Variants in PPIL4 observed in about 807,000 individuals in gnomAD.
The protein encoded by PPIL4 is peptidyl-prolyl cis-trans isomerase-like 4.
Under a neutral mutation model 69.1 loss-of-function variants are expected in PPIL4, and 50 were observed. The observed-to-expected ratio is 0.72, with a 90% CI of 0.58 to 0.92. PPIL4 has a LOEUF of 0.92. PPIL4 is among the 40% of genes least tolerant of loss of function. The pLI, the probability that PPIL4 is intolerant of heterozygous loss-of-function variation, is 0.00. For missense variants in PPIL4, 480 were observed against 587.9 expected (o/e 0.82, Z 1.90); for synonymous variants, 193 against 191.6 (o/e 1.01, Z -0.06).
intron 8 of PPIL4, 67 bp downstream of exon 8, chr6:149,526,585 T>C: frequency 7.0e-7 from 1 of 1,432,738 alleles, no homozygotes; most frequent in Non-Finnish European, 9.6e-7. Flanking sequence ...TCAAAATATG[T>C]CATTAGAAAA....
intron 7 of PPIL4, among the ~76,000 whole-genome samples, chr6:149,528,276 C>T (rs895465749): frequency 2.0e-5 from 3 of 151,990 alleles, no homozygotes; most frequent in South Asian, 4.1e-4. Context: ...TGTCAAAACA[C>T]AGAAGGAGTA....
At chr6:149,545,832 A>T in intron 1 of PPIL4, 104 bp downstream of exon 1, 1 of 1,083,290 alleles carries the variant, frequency 9.2e-7, no homozygotes, top group Non-Finnish European at 1.4e-6. Context: ...GCAGCCCAGA[A>T]GCTCGAGCTC....
chr6:149,530,097 T>C (rs1777172696), intron 7 of PPIL4, among the ~76,000 whole-genome samples: 1 of 152,172 alleles, frequency 6.6e-6, no homozygotes, highest in Non-Finnish European at 1.5e-5. Flanking sequence ...ATTTGTCAGT[T>C]CCACCGAATG....
At position 149,524,833 on chromosome 6, in the gene PPIL4, G is replaced by A. The variant is rs182647994; in HGVS notation, c.870+310C>T. On this transcript the variant is annotated intron_variant, in intron 9 of 12. Transcript: ENST00000253329. ...AAGAGAATCGCTTGAACCAGGAGGC[G>A]GAGGCTGCAGTGAGTCGAGACTGCG... Among the ~76,000 whole-genome samples the A allele has an allele frequency of 3.3e-5, 5 of 152,100 alleles. 1 individual carries two copies. In the South Asian group the frequency reaches 6.2e-4, roughly 19 times the overall value.
chr6:149,510,526 G>A (rs1264625920), intron 12 of PPIL4, among the ~76,000 whole-genome samples: 2 of 152,084 alleles, frequency 1.3e-5, no homozygotes, highest in East Asian at 1.9e-4. Flanking sequence ...GGCAGATCAC[G>A]AGGTCAGGAG....
At chr6:149,538,491 G>A (rs1777312935) in intron 4 of PPIL4, among the ~76,000 whole-genome samples, 1 of 152,144 alleles carries the variant, frequency 6.6e-6, no homozygotes, top group Non-Finnish European at 1.5e-5. Flanking sequence ...AATACATTTT[G>A]TGAGGCTATA....
chr6:149,517,015 C>T (rs1367760668), intron 11 of PPIL4: 1 of 163,080 alleles, frequency 6.1e-6, no homozygotes, highest in Non-Finnish European at 1.3e-5. Context: ...CAGGAAAGCC[C>T]CCCCAAAAAG....
chr6:149,512,761 G>A (rs931866664), intron 11 of PPIL4, among the ~76,000 whole-genome samples: 1 of 151,546 alleles, frequency 6.6e-6, no homozygotes, highest in South Asian at 2.1e-4. Flanking sequence ...TATTTTTTTT[G>A]AGACGGAGTC....
At chr6:149,533,760 A>C (rs1402395975) in intron 6 of PPIL4, among the ~76,000 whole-genome samples, 186 bp from the exon 7 acceptor site, 4 of 152,202 alleles carry the variant, frequency 2.6e-5, no homozygotes, top group Non-Finnish European at 4.4e-5. Context: ...TCTCTAAAAA[A>C]AAATTTTTAA....
intron 7 of PPIL4, among the ~76,000 whole-genome samples, chr6:149,532,519 T>C (rs1014546625): frequency 2.2e-4 from 34 of 152,366 alleles, no homozygotes; most frequent in African/African-American, 6.7e-4. Context: ...TTAAAATGTG[T>C]ATTTTCAATT....
chr6:149,514,700 T>C (rs532943885), intron 11 of PPIL4, among the ~76,000 whole-genome samples: 1 of 145,352 alleles, frequency 6.9e-6, no homozygotes, highest in African/African-American at 2.5e-5. Context: ...CAACAGCATT[T>C]AAAAAAAAAA....
intron 7 of PPIL4, among the ~76,000 whole-genome samples, chr6:149,527,179 GA>G (rs1777120697): frequency 6.6e-6 from 1 of 152,148 alleles, no homozygotes; most frequent in Non-Finnish European, 1.5e-5. Context: ...CCAACATGGT[GA>G]AACCCCATTT....
chr6:149,534,921 C>T (rs1777252024), intron 5 of PPIL4, 147 bp from the exon 6 acceptor site: 5 of 519,628 alleles, frequency 9.6e-6, no homozygotes, highest in Admixed American at 3.7e-5. Context: ...CCTAGATATA[C>T]TTTCACAATG....
intron 11 of PPIL4, among the ~76,000 whole-genome samples, chr6:149,514,648 C>G (rs948762616): frequency 2.7e-5 from 4 of 150,414 alleles, no homozygotes; most frequent in Non-Finnish European, 5.9e-5. Context: ...AAACTGATGA[C>G]TATAATCCAT....
At chr6:149,530,746 A>G (rs183193060) in intron 7 of PPIL4, among the ~76,000 whole-genome samples, 1 of 152,114 alleles carries the variant, frequency 6.6e-6, no homozygotes, top group Non-Finnish European at 1.5e-5. Context: ...GGAAATTACC[A>G]CTTTGCATAA....
In PPIL4 at chr6:149,517,370, C is replaced by T; in HGVS notation, c.1063G>A (p.Val355Ile). The stretch of plus-strand genomic sequence containing the variant: ...TAAGGATACTCCTGTTTGGGCTTTA[C>T]TTTATCTTTCAGAACCAAATTAGGT... Reference protein sequence around the residue: ...KPPNLVLKDKVKPKQDTKYDL... With the variant: ...KPPNLVLKDKIKPKQDTKYDL... Residue 355 changes from valine to isoleucine, a missense_variant, in exon 11 of 13, where the codon GTA (valine) becomes ATA (isoleucine). By Grantham distance (29) the Val-to-Ile change is conservative. Transcript: ENST00000253329. The T allele has an allele frequency of 6.3e-7, 1 of 1,593,260 alleles. No homozygotes were observed. The highest frequency in any genetic ancestry group is 8.6e-7 in the Non-Finnish European group (1 of 1,161,920).
intron 11 of PPIL4, among the ~76,000 whole-genome samples, chr6:149,514,600 G>A (rs1366219390): frequency 6.6e-6 from 1 of 152,000 alleles, no homozygotes; most frequent in Non-Finnish European, 1.5e-5. Context: ...GGGATTACAG[G>A]CATGAGCCAC....
intron 9 of PPIL4, 38 bp downstream of exon 9, chr6:149,525,105 C>A: frequency 1.8e-6 from 2 of 1,094,440 alleles, no homozygotes; most frequent in South Asian, 1.4e-5. Context: ...CATATAAAAG[C>A]AAATAAATAC....
intron 12 of PPIL4, among the ~76,000 whole-genome samples, chr6:149,510,619 G>T (rs1002067843): frequency 6.6e-6 from 1 of 152,134 alleles, no homozygotes; most frequent in African/African-American, 2.4e-5. Flanking sequence ...GCAGGTGCCT[G>T]TAATCCCACC....
Sources: gnomAD v4.1 joint callset for allele counts (sites outside exome capture counted in the v4.1 genomes callset) on GRCh38, gnomAD v4.1.1 for gene constraint, MANE v1.5 for transcripts, NCBI Gene and HGNC (gene_info 2026-07-23, HGNC 2026-07-21) for gene names.